Variants in SLC17A6 observed in about 807,000 individuals in gnomAD.
SLC17A6 encodes vesicular glutamate transporter 2.
In SLC17A6, 35 loss-of-function variants were observed where a neutral mutation model predicts 67.1. The ratio of observed to expected loss-of-function variants is 0.52; its 90% CI spans 0.40 to 0.69. The LOEUF is 0.69. Among genes scored for constraint, SLC17A6 ranks in the 30% least tolerant of loss-of-function variants. The probability of loss-of-function intolerance (pLI) is 0.00; values close to 1 mark genes in which losing one functional copy is unlikely to be tolerated. For missense variants in SLC17A6, 588 were observed against 723.9 expected, an observed-to-expected ratio of 0.81 and a Z score of 2.15; for synonymous variants, 285 against 252.3, an observed-to-expected ratio of 1.13 and a Z score of -1.23.
At chr11:22,347,838 C>T (rs1480350200) in intron 3 of SLC17A6, among the ~76,000 whole-genome samples, 2 of 152,172 alleles carry the variant, frequency 1.3e-5, no homozygotes, top group Non-Finnish European at 2.9e-5. Context: ...TCCATTTTAG[C>T]TTGAGGTTAG....
At chr11:22,377,381 C>T (rs767913488) in intron 11 of SLC17A6, 24 bp from the exon 12 acceptor site, 115 of 1,571,748 alleles carry the variant, frequency 7.3e-5, no homozygotes, top group Non-Finnish European at 9.2e-5. Flanking sequence ...TCAGTTCTCA[C>T]AGTGCTGCTT....
intron 3 of SLC17A6, among the ~76,000 whole-genome samples, chr11:22,350,685 G>A (rs1855927991): frequency 6.6e-6 from 1 of 152,032 alleles, no homozygotes; most frequent in South Asian, 2.1e-4. Flanking sequence ...CCCAATTACT[G>A]ACAGCCTATC....
intron 1 of SLC17A6, among the ~76,000 whole-genome samples, chr11:22,340,048 G>A (rs2593695): frequency 6.6e-6 from 1 of 152,258 alleles, no homozygotes; most frequent in Non-Finnish European, 1.5e-5. Context: ...CAGGTGCTAC[G>A]TTATAGAATT....
At position 22,339,121 on chromosome 11, in the gene SLC17A6, A is replaced by T. The variant is rs866918717; in HGVS notation, c.86+502A>T. On this transcript the variant is annotated intron_variant, in intron 1 of 11. Coordinates refer to ENST00000263160, the MANE Select transcript of SLC17A6 (RefSeq NM_020346.3). ...TATATATGTTATATATATATGTTAT[A>T]TATATATGTTATATATATATGTTAT... Among the ~76,000 whole-genome samples, 110 of 67,906 alleles carry T rather than the reference A, an allele frequency of 1.6e-3. 6 individuals are homozygous for T. The highest frequency in any genetic ancestry group is 6.1e-3 in the African/African-American group (94 of 15,336). 44.5% of individuals were successfully genotyped at this position (67,906 alleles called of 152,430 possible). A position where few individuals can be genotyped will look rare whatever the true frequency, so the allele number is the denominator to read the frequency against.
intron 6 of SLC17A6, 59 bp from the exon 7 acceptor site, chr11:22,365,488 A>ATTGC: frequency 6.4e-7 from 1 of 1,571,546 alleles, no homozygotes. Flanking sequence ...TTGCAGTTTT[A>ATTGC]TTGCAGCACA....
At position 22,376,570 on chromosome 11, in the gene SLC17A6, C is replaced by A. The variant is rs755221278; in HGVS notation, c.1311C>A (p.Ile437=). The part of the protein sequence containing the change: ...ISGFNVNHLD[I]APRYASILMG... ...GTTTCAATGTTAACCACTTGGATAT[C>A]GCTCCAAGATATGCCAGTATCTTAA... Residue 437 remains isoleucine (I), a synonymous_variant, in exon 11 of 12, where the codon ATC becomes ATA. Transcript: ENST00000263160. 6.2e-7 allele frequency: 1 copy of A among 1,613,716 alleles called. No homozygotes were observed. The highest frequency in any genetic ancestry group is 1.3e-5 in the African/African-American group (1 of 74,888).
chr11:22,371,421 T>A (rs558704093), intron 8 of SLC17A6, among the ~76,000 whole-genome samples: 2 of 151,982 alleles, frequency 1.3e-5, no homozygotes, highest in Non-Finnish European at 2.9e-5. Context: ...GTTTCCTCCA[T>A]CCCCGAGAAG....
intron 8 of SLC17A6, among the ~76,000 whole-genome samples, chr11:22,371,327 T>C (rs1283630336): frequency 6.6e-6 from 1 of 152,068 alleles, no homozygotes; most frequent in African/African-American, 2.4e-5. Context: ...TGAAAGACTA[T>C]CTGAGACCTG....
At chr11:22,342,506 C>T (rs75837099) in intron 2 of SLC17A6, among the ~76,000 whole-genome samples, 6,744 of 152,232 alleles carry the variant, frequency 0.044, 468 homozygotes, top group African/African-American at 0.16. Flanking sequence ...GTCCCCAGTT[C>T]TCAGGCGGGA....
intron 3 of SLC17A6, among the ~76,000 whole-genome samples, chr11:22,350,495 G>C (rs1169701460): frequency 6.6e-6 from 1 of 151,642 alleles, no homozygotes; most frequent in African/African-American, 2.4e-5. Flanking sequence ...GTTTTCAAAT[G>C]GTTTATTATT....
At chr11:22,376,743 G>A in intron 11 of SLC17A6, 71 bp downstream of exon 11, 1 of 1,522,966 alleles carries the variant, frequency 6.6e-7, no homozygotes, top group Non-Finnish European at 9.1e-7. Flanking sequence ...TTGGAAAAGA[G>A]TTAAAATATT....
chr11:22,374,186 T>C (rs1400932257), intron 8 of SLC17A6, among the ~76,000 whole-genome samples: 2 of 152,174 alleles, frequency 1.3e-5, no homozygotes, highest in African/African-American at 4.8e-5. Flanking sequence ...TCAGAAACTA[T>C]ATGCCACCAT....
chr11:22,356,728 C>T (rs1264421073), intron 3 of SLC17A6, among the ~76,000 whole-genome samples: 3 of 152,164 alleles, frequency 2.0e-5, no homozygotes, highest in Admixed American at 1.3e-4. Context: ...CCAAGCTACT[C>T]AGGAGGCTGA....
intron 3 of SLC17A6, among the ~76,000 whole-genome samples, chr11:22,358,603 G>T (rs1856016115): frequency 6.6e-6 from 1 of 152,120 alleles, no homozygotes; most frequent in African/African-American, 2.4e-5. Context: ...GAAGTGCTGG[G>T]GTTTACAGGA....
At chr11:22,376,963 G>A (rs776840646) in intron 11 of SLC17A6, among the ~76,000 whole-genome samples, 1 of 152,068 alleles carries the variant, frequency 6.6e-6, no homozygotes, top group Admixed American at 6.6e-5. Flanking sequence ...TACTCAAGCA[G>A]ATGTCTTCTG....
chr11:22,359,579 C>T (rs543462243), intron 4 of SLC17A6, 52 bp downstream of exon 4: 3 of 1,122,212 alleles, frequency 2.7e-6, no homozygotes, highest in Admixed American at 2.3e-5. Context: ...GGTTGAGAAC[C>T]ACCAGTTTAT....
At chr11:22,351,515 C>T (rs1266920972) in intron 3 of SLC17A6, among the ~76,000 whole-genome samples, 2 of 152,030 alleles carry the variant, frequency 1.3e-5, no homozygotes, top group African/African-American at 2.4e-5. Context: ...TCGTTTTCCC[C>T]GATACACTAG....
At chr11:22,347,244 TA>T (rs36044887) in intron 3 of SLC17A6, among the ~76,000 whole-genome samples, 38,407 of 149,058 alleles carry the variant, frequency 0.26, 4,954 homozygotes, top group East Asian at 0.31. Flanking sequence ...GTTTGGGGAT[TA>T]AAAAAAAAAG....
intron 2 of SLC17A6, among the ~76,000 whole-genome samples, chr11:22,342,738 G>T (rs1350101720): frequency 6.6e-6 from 1 of 152,146 alleles, no homozygotes; most frequent in Non-Finnish European, 1.5e-5. Context: ...GTCCCCATTT[G>T]TGGGGACACG....
Sources: gnomAD v4.1 joint callset for allele counts (sites outside exome capture counted in the v4.1 genomes callset) on GRCh38, gnomAD v4.1.1 for gene constraint, MANE v1.5 for transcripts, NCBI Gene and HGNC (gene_info 2026-07-23, HGNC 2026-07-21) for gene names.